SYDE2: variants seen among roughly 807,000 people sequenced by gnomAD.
SYDE2 encodes the protein synapse defective Rho GTPase homolog 2.
In SYDE2, 76 loss-of-function variants were observed where a neutral mutation model predicts 91.5. That is an observed-to-expected ratio of 0.83 (90% CI 0.69 to 1.01). The LOEUF (loss-of-function observed/expected upper bound fraction) is 1.01. SYDE2 is among the 50% of genes least tolerant of loss of function. The probability of loss-of-function intolerance (pLI) is 0.00; values close to 1 mark genes in which losing one functional copy is unlikely to be tolerated. For synonymous variants in SYDE2, 513 were observed against 506.4 expected, an observed-to-expected ratio of 1.01 and a Z score of -0.18; for missense variants, 1,364 against 1,367.7, an observed-to-expected ratio of 1.00 and a Z score of 0.04.
chr1:85,198,711 A>C lies in SYDE2; in HGVS notation c.745+1541T>G, dbSNP rs1570283643. Among the ~76,000 whole-genome samples, 4 of 152,080 alleles carry C rather than the reference A, an allele frequency of 2.6e-5. No individual in the cohort carries two copies. The South Asian group carries it at 8.3e-4, about 32-fold the overall frequency. ...GGGCATTAAAAGCCATCACATGGTA[A>C]GTGTTTTAGCTCTGTGACAAAAGGG... On this transcript the variant is annotated intron_variant, in intron 1 of 6. Coordinates refer to ENST00000341460, the MANE Select transcript of SYDE2 (RefSeq NM_032184.2).
rs1019428495 is a variant in SYDE2, at chr1:85,186,332, C to T, written c.1442-3132G>A. On this transcript the variant is annotated intron_variant, in intron 2 of 6. Coordinates refer to ENST00000341460, the MANE Select transcript of SYDE2 (RefSeq NM_032184.2). ...TCATAAAATGAGTTAGGGAGGATTCCCTCTTTTTCTATTGATTGGAATAGT... is the reference window on the plus strand; with the variant it reads ...TCATAAAATGAGTTAGGGAGGATTCTCTCTTTTTCTATTGATTGGAATAGT... Among the ~76,000 whole-genome samples, 548 of 152,124 alleles carry T rather than the reference C, an allele frequency of 3.6e-3. 3 individuals are homozygous for T. The highest frequency in any genetic ancestry group is 6.3e-3 in the Non-Finnish European group (430 of 68,004).
intron 6 of SYDE2, chr1:85,160,179 G>C: frequency 1.0e-6 from 1 of 984,822 alleles, no homozygotes; most frequent in Non-Finnish European, 1.2e-6. Flanking sequence ...CCTGCACTAA[G>C]ATAAAGCAAC....
intron 3 of SYDE2, chr1:85,181,593 G>T (rs1259760107): frequency 1.3e-5 from 2 of 152,124 alleles, no homozygotes. Context: ...ATTAACTTAG[G>T]CTGTTTCTAT....
rs1295125595 is a variant in SYDE2 at position 85,178,346 on chromosome 1, A to G, written c.2545-74T>C. Reference sequence around the variant, plus strand: ...ATATAATTGCATTATAGATCACATGAACTTTGCAATCAAATATGTTCTGAT... The same window carrying G: ...ATATAATTGCATTATAGATCACATGGACTTTGCAATCAAATATGTTCTGAT... On this transcript the variant is annotated intron_variant, in intron 3 of 6. Coordinates refer to ENST00000341460, the MANE Select transcript of SYDE2 (RefSeq NM_032184.2). 71 of 1,360,400 alleles carry G rather than the reference A, an allele frequency of 5.2e-5. No individual in the cohort carries two copies. The Admixed American group carries it at 9.5e-4, about 18-fold the overall frequency. 84.3% of individuals were successfully genotyped at this position (1,360,400 alleles called of 1,614,324 possible).
chr1:85,190,279 A>G lies in SYDE2; in HGVS notation c.1219T>C (p.Leu407=), dbSNP rs1430344068. The G allele has an allele frequency of 6.2e-7, 1 of 1,613,980 alleles. No individual in the cohort carries two copies. Among genetic ancestry groups the G allele is most frequent in the South Asian group, 1.1e-5 (1 of 91,084 alleles). Residue 407 remains leucine (L), a synonymous_variant, in exon 2 of 7, where the codon TTG becomes CTG. Transcript: ENST00000341460. ...LKLPAVNLSM[L]SGSDLMKAER... ...GCTTTCATCAGGTCACTGCCAGACAACATGCTCAAATTGACAGCAGGGAGC... is the reference window on the plus strand; with the variant it reads ...GCTTTCATCAGGTCACTGCCAGACAGCATGCTCAAATTGACAGCAGGGAGC...
In SYDE2 at chr1:85,164,652, A is replaced by G. The variant is rs376808741; in HGVS notation, c.2959T>C (p.Leu987=). The change falls in exon 6 of 7, where the codon TTA becomes CTA. Residue 987 remains leucine (L), a synonymous_variant. Coordinates refer to ENST00000341460, the MANE Select transcript of SYDE2 (RefSeq NM_032184.2). The part of the protein sequence containing the change: ...NLAVCFGPVL[L]SQRQEPSTHN... ...GTGGAAGGCTCTTGCCTCTGACTTA[A>G]TAATACTGGTCCAAAGCACACAGCC... 3.8e-6 allele frequency: 6 copies of G among 1,588,538 alleles called. No individual in the cohort carries two copies. The African/African-American group carries it at 8.1e-5, about 21-fold the overall frequency.
chr1:85,189,034 G>C (rs964659233), intron 2 of SYDE2, among the ~76,000 whole-genome samples: 6 of 152,116 alleles, frequency 3.9e-5, no homozygotes, highest in African/African-American at 1.4e-4. Context: ...TCTGTTTCCT[G>C]GGTAGTGTGT....
rs1010640004 is a variant in SYDE2 at position 85,161,179 on chromosome 1, G to A, written c.3086-1930C>T. The A allele has an allele frequency of 1.7e-5, 15 of 868,940 alleles. No homozygotes were observed. The Admixed American group carries it at 3.7e-4, about 22-fold the overall frequency. 53.8% of individuals were successfully genotyped at this position (868,940 alleles called of 1,614,324 possible). The stretch of plus-strand genomic sequence containing the variant: ...TGAAAAAGAATTCAAAATGTAATAA[G>A]TACTAAGAAACTTAATTTTTCCTTA... On this transcript the variant is annotated intron_variant, in intron 6 of 6. Coordinates refer to ENST00000341460, the MANE Select transcript of SYDE2 (RefSeq NM_032184.2).
rs866329411 is a variant in SYDE2 at position 85,174,767 on chromosome 1, C to T, written c.2671+3379G>A. Among the ~76,000 whole-genome samples the T allele has an allele frequency of 3.9e-5, 6 of 152,146 alleles. 2 individuals carry two copies. In the South Asian group the frequency reaches 1.2e-3, roughly 32 times the overall value. On this transcript the variant is annotated intron_variant, in intron 4 of 6. Coordinates refer to ENST00000341460, the MANE Select transcript of SYDE2 (RefSeq NM_032184.2). ...GTGGGTTGCTAAGTCTATGACCATT[C>T]CTCAACATTTAGCATTCCTTGGTGC... is the stretch of plus-strand genomic sequence containing the variant.
Position 85,190,755 on chromosome 1 carries a change from G to A in SYDE2, c.746-3C>T. The A allele has an allele frequency of 6.3e-7, 1 of 1,586,394 alleles. No individual in the cohort carries two copies. Among genetic ancestry groups the A allele is most frequent in the African/African-American group, 1.4e-5 (1 of 73,684 alleles). On this transcript the variant is annotated splice_polypyrimidine_tract_variant and splice_region_variant and intron_variant, in intron 1 of 6. Transcript: ENST00000341460. ...CCCATAGGCATTTTCAAATAAATCT[G>A]TTGCAAAGATAGAATAGAAGGTAGA... is the stretch of plus-strand genomic sequence containing the variant.
intron 2 of SYDE2, among the ~76,000 whole-genome samples, chr1:85,189,601 C>G (rs1307046061): frequency 6.6e-6 from 1 of 152,118 alleles, no homozygotes; most frequent in Non-Finnish European, 1.5e-5. Flanking sequence ...TTTGGGAGGC[C>G]AAAGTAGGCA....
At position 85,158,651 on chromosome 1, in the gene SYDE2, C is replaced by T; in HGVS notation, c.*99G>A. The T allele has an allele frequency of 1.8e-6, 1 of 563,524 alleles. No individual in the cohort carries two copies. Among genetic ancestry groups the T allele is most frequent in the Non-Finnish European group, 3.1e-6 (1 of 317,658 alleles). The allele number at this position is 563,524 out of a possible 1,614,324, so 34.9% of individuals were successfully genotyped here. A position where few individuals can be genotyped will look rare whatever the true frequency, so the allele number is the denominator to read the frequency against. ...CTTATTAAAAATTAATTAAAGATTT[C>T]AAGAGTAAAAAAATGAAAACATCGC... On this transcript the variant is annotated 3_prime_UTR_variant, in exon 7 of 7. Transcript: ENST00000341460.
chr1:85,191,968 G>A (rs1658388706), intron 1 of SYDE2, among the ~76,000 whole-genome samples: 1 of 151,742 alleles, frequency 6.6e-6, no homozygotes, highest in Non-Finnish European at 1.5e-5. Context: ...AAAATTCACC[G>A]TACATAATTA....
chr1:85,168,917 T>C, intron 5 of SYDE2, 127 bp downstream of exon 5: 1 of 806,004 alleles, frequency 1.2e-6, no homozygotes, highest in Admixed American at 2.6e-5. Context: ...TTAAAGGCAG[T>C]AATGGCAGAG....
At chr1:85,191,393 A>AT (rs1175205604) in intron 1 of SYDE2, among the ~76,000 whole-genome samples, 1 of 151,900 alleles carries the variant, frequency 6.6e-6, no homozygotes, top group Non-Finnish European at 1.5e-5. Flanking sequence ...CACAGCTATT[A>AT]TTTTTTTTGG....
intron 2 of SYDE2, among the ~76,000 whole-genome samples, chr1:85,187,767 CA>C (rs1210972282): frequency 6.7e-6 from 1 of 149,592 alleles, no homozygotes; most frequent in Non-Finnish European, 1.5e-5. Flanking sequence ...ATCTCAAGGA[CA>C]AAAAACCAAA....
intron 4 of SYDE2, among the ~76,000 whole-genome samples, chr1:85,174,034 C>A (rs914458159): frequency 6.8e-6 from 1 of 147,548 alleles, no homozygotes; most frequent in Admixed American, 6.7e-5. Flanking sequence ...TAAAATGAAA[C>A]GAAGTATGGA....
chr1:85,179,965 A>T (rs932454819), intron 3 of SYDE2, among the ~76,000 whole-genome samples: 7 of 152,194 alleles, frequency 4.6e-5, no homozygotes, highest in Non-Finnish European at 8.8e-5. Flanking sequence ...AGGAAGGAAG[A>T]TCTACTACAG....
In SYDE2 at chr1:85,182,539, G is replaced by A. The variant is rs373568277; in HGVS notation, c.2103C>T (p.Asp701=). 49 of 1,613,750 alleles carry A rather than the reference G, an allele frequency of 3.0e-5. No individual in the cohort carries two copies. In the African/African-American group the frequency reaches 3.3e-4, roughly 11 times the overall value. ...AATCTACCTGAATTGCACAAAAGAC[G>A]TCTTTTGAATCTATCCGAGGTGGTT... ...DLKPPRIDSK[D]VFCAIQVDSV... Residue 701 remains aspartate, a synonymous_variant, in exon 3 of 7, where the codon GAC becomes GAT. Coordinates refer to ENST00000341460, the MANE Select transcript of SYDE2 (RefSeq NM_032184.2).
Sources: gnomAD v4.1 joint callset for allele counts (sites outside exome capture counted in the v4.1 genomes callset) on GRCh38, gnomAD v4.1.1 for gene constraint, MANE v1.5 for transcripts, NCBI Gene and HGNC (gene_info 2026-07-23, HGNC 2026-07-21) for gene names.